The following CSF2RA variants were observed in gnomAD, a reference collection of about 807,000 sequenced individuals.
CSF2RA encodes the protein granulocyte-macrophage colony-stimulating factor receptor subunit alpha.
CSF2RA carries 42 observed loss-of-function variants against 51.6 expected under a neutral mutation model. The observed-to-expected ratio is 0.81, with a 90% CI of 0.64 to 1.05. The LOEUF (loss-of-function observed/expected upper bound fraction) is 1.05. Among genes scored for constraint, CSF2RA ranks in the 50% least tolerant of loss-of-function variants. The pLI is 0.00. For missense variants in CSF2RA, 530 were observed against 501.1 expected (o/e 1.06, Z -0.55); for synonymous variants, 222 against 193.0 (o/e 1.15, Z -1.24).
chrX:1,320,710 G>A, the CSF2RA span, among the ~76,000 whole-genome samples: 4 of 138,210 alleles, frequency 2.9e-5, no homozygotes, highest in African/African-American at 8.0e-5. Context: ...ACGGGGTTTC[G>A]CCATGTTGGC....
At chrX:1,314,773 T>C (rs75689827), downstream of CSF2RA, among the ~76,000 whole-genome samples, 47 of 2,120 alleles carry the variant, frequency 0.022, no homozygotes, top group South Asian at 0.04. Flanking sequence ...ACCTGCCCAA[T>C]CCCACTGCAC....
chrX:1,309,703 A>G lies in CSF2RA; in HGVS notation c.*224A>G, dbSNP rs1381652580. On this transcript the variant is annotated 3_prime_UTR_variant, in exon 13 of 13. Transcript: ENST00000381529. ...GGAGTTCAAGACCAGCCTGCCCAAC[A>G]TGGTGAAACCCCATCTGGACTAAAA... 1 of 982,548 alleles carries G rather than the reference A, an allele frequency of 1.0e-6. No individual in the cohort carries two copies. The highest frequency in any genetic ancestry group is 1.6e-6 in the Non-Finnish European group (1 of 612,436). 60.9% of individuals were successfully genotyped at this position (982,548 alleles called of 1,614,324 possible).
At chrX:1,314,889 A>ACTGCACCTGCCCAACCG (rs2084474784), downstream of CSF2RA, among the ~76,000 whole-genome samples, 1 of 17,436 alleles carries the variant, frequency 5.7e-5, no homozygotes, top group African/African-American at 2.3e-4. Flanking sequence ...CTGCCCAACC[A>ACTGCACCTGCCCAACCG]CACTGAACCT....
chrX:1,305,057 A>G (rs1341189457), intron 11 of CSF2RA, among the ~76,000 whole-genome samples: 2 of 148,262 alleles, frequency 1.3e-5, no homozygotes, highest in Non-Finnish European at 3.0e-5. Context: ...GCAGTGGTGC[A>G]ATCTCGGCTC....
downstream of CSF2RA, among the ~76,000 whole-genome samples, chrX:1,313,996 AAATG>A (rs1387514541): frequency 1.3e-5 from 2 of 152,076 alleles, no homozygotes; most frequent in Non-Finnish European, 2.9e-5. Flanking sequence ...GTCTCAAAAT[AAATG>A]AATAAATAAA....
intron 1 of CSF2RA, among the ~76,000 whole-genome samples, chrX:1,274,398 C>G (rs1230362461): frequency 1.5e-4 from 23 of 151,124 alleles, no homozygotes; most frequent in African/African-American, 5.1e-4. Flanking sequence ...AGCTCACTAT[C>G]ACTGTAACCT....
rs764272709 is a variant in CSF2RA, at chrX:1,285,784, G to A, written c.83G>A (p.Arg28Gln). 57 of 1,607,346 alleles carry A rather than the reference G, an allele frequency of 3.5e-5. No individual in the cohort carries two copies. The highest frequency in any genetic ancestry group is 6.8e-5 in the East Asian group (3 of 44,326). ...FLLIPEKSDL[R>Q]TVAPASSLNV... ...CAGTGCCCGCTCCTTGCAGATCTGC[G>A]AACAGTGGCACCAGCCTCTAGTCTC... The change falls in exon 4 of 13, where the codon CGA becomes CAA. Residue 28 changes from arginine to glutamine, a missense_variant. Coordinates refer to ENST00000381529, the MANE Select transcript of CSF2RA (RefSeq NM_172245.4).
rs200978306 is a variant in CSF2RA at position 1,309,625 on chromosome X, G to T, written c.*146G>T. 3 of 1,598,284 alleles carry T rather than the reference G, an allele frequency of 1.9e-6. No individual in the cohort carries two copies. The African/African-American group carries it at 4.0e-5, about 21-fold the overall frequency. On this transcript the variant is annotated 3_prime_UTR_variant, in exon 13 of 13. Coordinates refer to ENST00000381529, the MANE Select transcript of CSF2RA (RefSeq NM_172245.4). Reference sequence around the variant, plus strand: ...TTTGGGGCCAGGCGCGGTGGCTCACGCCTGTAATCCCAGCACTTTGGGAGG... The same window carrying T: ...TTTGGGGCCAGGCGCGGTGGCTCACTCCTGTAATCCCAGCACTTTGGGAGG...
At chrX:1,320,559 G>A in the CSF2RA span, among the ~76,000 whole-genome samples, 1 of 149,436 alleles carries the variant, frequency 6.7e-6, no homozygotes, top group Non-Finnish European at 1.5e-5. Flanking sequence ...GTGCCATGGC[G>A]TGGTCTTGGC....
chrX:1,291,788 G>T (rs1444054180), intron 7 of CSF2RA, among the ~76,000 whole-genome samples: 1 of 149,494 alleles, frequency 6.7e-6, no homozygotes, highest in Non-Finnish European at 1.5e-5. Context: ...AGACAAAGAG[G>T]TGTCCCTACT....
intron 9 of CSF2RA, among the ~76,000 whole-genome samples, chrX:1,297,868 C>A: frequency 8.2e-6 from 1 of 122,446 alleles, no homozygotes; most frequent in Non-Finnish European, 1.8e-5. Context: ...TACCCATGAC[C>A]CCTGGCGGAA....
chrX:1,284,442 T>G, intron 3 of CSF2RA, among the ~76,000 whole-genome samples: 1 of 147,780 alleles, frequency 6.8e-6, no homozygotes, highest in African/African-American at 2.5e-5. Flanking sequence ...TTTTTTTTTT[T>G]TTTTGAGATG....
intron 9 of CSF2RA, among the ~76,000 whole-genome samples, chrX:1,299,059 C>G (rs2092200673): frequency 6.6e-6 from 1 of 152,210 alleles, no homozygotes; most frequent in African/African-American, 2.4e-5. Flanking sequence ...ATGCAGATCT[C>G]ACACGGGTGA....
chrX:1,288,444 T>C lies in CSF2RA; in HGVS notation c.220-75T>C, dbSNP rs2091020137. 118 of 1,600,216 alleles carry C rather than the reference T, an allele frequency of 7.4e-5. 3 individuals are homozygous for C. The South Asian group carries it at 1.1e-3, about 14-fold the overall frequency. On this transcript the variant is annotated intron_variant, in intron 4 of 12. Transcript: ENST00000381529. ...TTGTAGTGAGCCGAGATCACGCCACTGCACTCCAGCCTGGGAGACTGTAGG... is the reference window on the plus strand; with the variant it reads ...TTGTAGTGAGCCGAGATCACGCCACCGCACTCCAGCCTGGGAGACTGTAGG...
intron 6 of CSF2RA, 69 bp downstream of exon 6, chrX:1,288,957 CT>C: frequency 1.3e-6 from 2 of 1,594,732 alleles, no homozygotes; most frequent in Admixed American, 1.7e-5. Flanking sequence ...TGCTGGTTTT[CT>C]TTTTTTCCTT....
chrX:1,288,772 C>A lies in CSF2RA; in HGVS notation c.357C>A (p.Thr119=). 1 of 1,613,894 alleles carries A rather than the reference C, an allele frequency of 6.2e-7. No individual in the cohort carries two copies. Among genetic ancestry groups the A allele is most frequent in the Non-Finnish European group, 8.5e-7 (1 of 1,179,860 alleles). The change falls in exon 6 of 13, where the codon ACC becomes ACA. Residue 119 remains threonine (T), a synonymous_variant. Coordinates refer to ENST00000381529, the MANE Select transcript of CSF2RA (RefSeq NM_172245.4). ...LLYPNSGREG[T]AAQNFSCFIY... ...ACCTCTTCCCAGGAAGGGAGGGTAC[C>A]GCTGCTCAGAATTTCTCCTGTTTCA...
the CSF2RA span, among the ~76,000 whole-genome samples, chrX:1,321,063 T>C: frequency 1.6e-3 from 247 of 151,248 alleles, 1 homozygote; most frequent in South Asian, 3.6e-3. Flanking sequence ...AGGCTGGTCT[T>C]GAACTCCTGA....
intron 4 of CSF2RA, chrX:1,287,154 T>A (rs1292701999): frequency 6.7e-5 from 10 of 148,930 alleles, no homozygotes; most frequent in African/African-American, 2.5e-4. Flanking sequence ...ATACTTTTTT[T>A]TTTTTTTTTT....
chrX:1,288,763 G>A lies in CSF2RA; in HGVS notation c.348G>A (p.Arg116=). The change falls in exon 6 of 13, where the codon AGG becomes AGA. Residue 116 remains arginine, a synonymous_variant. Transcript: ENST00000381529. ...TTTGTTTCTACCTCTTCCCAGGAAG[G>A]GAGGGTACCGCTGCTCAGAATTTCT... The part of the protein sequence containing the change: ...QQKLLYPNSG[R]EGTAAQNFSC... 1 of 1,613,866 alleles carries A rather than the reference G, an allele frequency of 6.2e-7. No homozygotes were observed. The highest frequency in any genetic ancestry group is 2.2e-5 in the East Asian group (1 of 44,880).
Sources: allele counts gnomAD v4.1 joint callset (sites outside exome capture counted in the v4.1 genomes callset), GRCh38; gene constraint gnomAD v4.1.1; transcripts MANE v1.5; gene names NCBI Gene and HGNC (gene_info 2026-07-23, HGNC 2026-07-21).